Variants in PDS5B observed in about 807,000 individuals in gnomAD.
PDS5B encodes PDS5 cohesin associated factor B.
PDS5B carries 51 observed loss-of-function variants against 184.1 expected under a neutral mutation model. That is an observed-to-expected ratio of 0.28 (90% CI 0.22 to 0.35). PDS5B has a LOEUF of 0.35. Among genes scored for constraint, PDS5B ranks in the 10% least tolerant of loss-of-function variants. The probability of loss-of-function intolerance (pLI) is 1.00; values close to 1 mark genes in which losing one functional copy is unlikely to be tolerated. For synonymous variants in PDS5B, 566 were observed against 569.2 expected (o/e 0.99, Z 0.08); for missense variants, 1,180 against 1,723.3 (o/e 0.68, Z 5.58).
intron 26 of PDS5B, 36 bp from the exon 27 acceptor site, chr13:32,758,048 TTTC>T (rs1954249624): frequency 1.1e-6 from 1 of 935,630 alleles, no homozygotes; most frequent in South Asian, 2.4e-5. Flanking sequence ...AAAGGATGAT[TTTC>T]TTCTATATTT....
At chr13:32,698,417 TA>T (rs774368975) in intron 15 of PDS5B, among the ~76,000 whole-genome samples, 12 of 152,182 alleles carry the variant, frequency 7.9e-5, no homozygotes, top group Admixed American at 5.9e-4. Context: ...AGTGCTGCAC[TA>T]GCAGTTTTCC....
In PDS5B at chr13:32,775,163, G is replaced by A; in HGVS notation, c.*111G>A. On this transcript the variant is annotated 3_prime_UTR_variant, in exon 35 of 35. Transcript: ENST00000315596. The stretch of plus-strand genomic sequence containing the variant: ...CTTTGATGCACAAAATGGGACTGCT[G>A]AAGAGTGGACAGTTGGACCTTACTT... 1 of 899,514 alleles carries A rather than the reference G, an allele frequency of 1.1e-6. No individual in the cohort carries two copies. Among genetic ancestry groups the A allele is most frequent in the Non-Finnish European group, 1.7e-6 (1 of 581,152 alleles). The allele number at this position is 899,514 out of a possible 1,614,324, so 55.7% of individuals were successfully genotyped here.
intron 19 of PDS5B, among the ~76,000 whole-genome samples, chr13:32,718,155 A>ATTT (rs373343825): frequency 6.7e-6 from 1 of 148,436 alleles, no homozygotes. Context: ...GGGCTTCTGA[A>ATTT]TTTTTTTTTT....
At chr13:32,597,122 CT>C (rs2057888127) in intron 1 of PDS5B, among the ~76,000 whole-genome samples, 1 of 151,946 alleles carries the variant, frequency 6.6e-6, no homozygotes, top group South Asian at 2.1e-4. Flanking sequence ...CAGCCTGGAA[CT>C]TTTGGGCTCA....
chr13:32,752,185 G>A (rs560436094), intron 24 of PDS5B, among the ~76,000 whole-genome samples: 1 of 152,166 alleles, frequency 6.6e-6, no homozygotes, highest in Non-Finnish European at 1.5e-5. Flanking sequence ...TAAGAACAAG[G>A]GAGACCACAT....
chr13:32,591,150 A>T (rs906798791), intron 1 of PDS5B, among the ~76,000 whole-genome samples: 1 of 151,830 alleles, frequency 6.6e-6, no homozygotes, highest in Admixed American at 6.6e-5. Context: ...ATTTTTTGAG[A>T]TGGAGTCTCG....
At chr13:32,711,757 A>G (rs1566358510) in intron 19 of PDS5B, among the ~76,000 whole-genome samples, 2 of 152,168 alleles carry the variant, frequency 1.3e-5, no homozygotes, top group Non-Finnish European at 2.9e-5. Context: ...GGTTGTATGT[A>G]TGTGTATGTG....
In PDS5B at chr13:32,629,259, A is replaced by AT. The variant is rs1056685741; in HGVS notation, c.-19-19483dup. On this transcript the variant is annotated intron_variant, in intron 1 of 34. Coordinates refer to ENST00000315596, the MANE Select transcript of PDS5B (RefSeq NM_015032.4). ...AAGAATCATTGCTCCGAGTTGTTCG[A>AT]TTTTTTTTTTTTAACCTTTTCTTTT... Among the ~76,000 whole-genome samples the AT allele has an allele frequency of 2.9e-3, 426 of 146,024 alleles. 3 individuals are homozygous for AT. Among genetic ancestry groups the AT allele is most frequent in the Middle Eastern group, 7.3e-3 (2 of 274 alleles).
chr13:32,642,593 A>C (rs1950126319), intron 1 of PDS5B, among the ~76,000 whole-genome samples: 1 of 152,124 alleles, frequency 6.6e-6, no homozygotes, highest in Non-Finnish European at 1.5e-5. Flanking sequence ...AGGTGTTTCA[A>C]ACCTCTCCTT....
chr13:32,630,151 G>A (rs2058432007), intron 1 of PDS5B, among the ~76,000 whole-genome samples: 2 of 152,150 alleles, frequency 1.3e-5, no homozygotes, highest in African/African-American at 4.8e-5. Flanking sequence ...TACACCACAA[G>A]CTCTGCTCCA....
At chr13:32,731,461 AT>A (rs1338150555) in intron 19 of PDS5B, among the ~76,000 whole-genome samples, 16 of 152,026 alleles carry the variant, frequency 1.1e-4, no homozygotes, top group Non-Finnish European at 1.5e-5. Context: ...TAAAATTGTA[AT>A]TCTCTTATAC....
rs1326837111 is a variant in PDS5B, at chr13:32,648,731, A to T, written c.-19-23A>T. The stretch of plus-strand genomic sequence containing the variant: ...TGTTTATATCTATTTTTTGGTTTGC[A>T]TCTAATAGTTTTCTTGTTTCAGGGG... On this transcript the variant is annotated intron_variant, in intron 1 of 34. Transcript: ENST00000315596. The T allele has an allele frequency of 5.5e-6, 5 of 912,948 alleles. No homozygotes were observed. The Admixed American group carries it at 5.5e-5, about 10-fold the overall frequency. The allele number at this position is 912,948 out of a possible 1,614,324, so 56.6% of individuals were successfully genotyped here. A position where few individuals can be genotyped will look rare whatever the true frequency, so the allele number is the denominator to read the frequency against.
At chr13:32,612,083 C>T (rs750329511) in intron 1 of PDS5B, among the ~76,000 whole-genome samples, 8 of 151,650 alleles carry the variant, frequency 5.3e-5, no homozygotes, top group Non-Finnish European at 8.8e-5. Context: ...GGCCATCCCT[C>T]AGGAGACTGT....
chr13:32,586,990 C>T (rs1352671542), intron 1 of PDS5B, among the ~76,000 whole-genome samples: 1 of 140,810 alleles, frequency 7.1e-6, no homozygotes, highest in Admixed American at 6.9e-5. Flanking sequence ...CCCGCGCCCT[C>T]CCGCCGCCGC....
At chr13:32,646,437 G>A (rs2140645234) in intron 1 of PDS5B, among the ~76,000 whole-genome samples, 1 of 120,496 alleles carries the variant, frequency 8.3e-6, no homozygotes, top group Middle Eastern at 6.3e-3. Flanking sequence ...TCATTCTAGT[G>A]TTGATGGTCA....
intron 20 of PDS5B, among the ~76,000 whole-genome samples, chr13:32,734,015 A>ACACACACACACACACACACACACACAC (rs1555312887): frequency 6.9e-5 from 4 of 58,154 alleles, no homozygotes; most frequent in African/African-American, 3.7e-4. Flanking sequence ...CACACACACA[A>ACACACACACACACACACACACACACAC]ACATATATTT....
At chr13:32,649,037 T>C in intron 2 of PDS5B, 157 bp downstream of exon 2, 1 of 569,428 alleles carries the variant, frequency 1.8e-6, no homozygotes, top group Non-Finnish European at 3.1e-6. Flanking sequence ...GTATATAAGG[T>C]ACAGTGGGGA....
At chr13:32,642,642 C>A (rs1297182260) in intron 1 of PDS5B, among the ~76,000 whole-genome samples, 1 of 151,976 alleles carries the variant, frequency 6.6e-6, no homozygotes, top group African/African-American at 2.4e-5. Context: ...AATTGAGTAA[C>A]CTCCCTCTTT....
Position 32,758,075 on chromosome 13 carries a change from T to C in PDS5B, c.3057-12T>C. The C allele has an allele frequency of 7.9e-7, 1 of 1,260,894 alleles. No individual in the cohort carries two copies. The highest frequency in any genetic ancestry group is 1.1e-6 in the Non-Finnish European group (1 of 945,558). The allele number at this position is 1,260,894 out of a possible 1,614,324, so 78.1% of individuals were successfully genotyped here. A position where few individuals can be genotyped will look rare whatever the true frequency, so the allele number is the denominator to read the frequency against. On this transcript the variant is annotated splice_polypyrimidine_tract_variant and intron_variant, in intron 26 of 34. Coordinates refer to ENST00000315596, the MANE Select transcript of PDS5B (RefSeq NM_015032.4). ...TCTTCTATATTTCTTTTTTCCTTTT[T>C]TTTTTTTTTAGATGTCTTTGGTTTG...
Sources: allele counts gnomAD v4.1 joint callset (sites outside exome capture counted in the v4.1 genomes callset), GRCh38; gene constraint gnomAD v4.1.1; transcripts MANE v1.5; gene names NCBI Gene and HGNC (gene_info 2026-07-23, HGNC 2026-07-21).